Variants in GLS observed in about 807,000 individuals in gnomAD.
The protein encoded by GLS is glutaminase kidney isoform, mitochondrial.
Under a neutral mutation model 86.7 loss-of-function variants are expected in GLS, and 36 were observed. That is an observed-to-expected ratio of 0.42 (90% CI 0.32 to 0.55). The LOEUF (loss-of-function observed/expected upper bound fraction) is 0.55, where lower values mean the gene tolerates loss of function less well. Among genes scored for constraint, GLS ranks in the 20% least tolerant of loss-of-function variants. GLS has a pLI of 0.17. For synonymous variants in GLS, 317 were observed against 305.9 expected (o/e 1.04, Z -0.38); for missense variants, 528 against 833.4 (o/e 0.63, Z 4.51).
intron 1 of GLS, among the ~76,000 whole-genome samples, chr2:190,885,446 A>T (rs1372227203): frequency 1.3e-5 from 2 of 152,084 alleles, no homozygotes; most frequent in African/African-American, 2.4e-5. Flanking sequence ...CGCTGTGGCC[A>T]CCCAAAGTGC....
chr2:190,945,997 T>C (rs979374303), intron 14 of GLS, among the ~76,000 whole-genome samples: 1 of 152,228 alleles, frequency 6.6e-6, no homozygotes, highest in African/African-American at 2.4e-5. Context: ...ATATATAGTA[T>C]ATTAATAACT....
In GLS at chr2:190,902,486, A is replaced by G. The variant is rs144361016; in HGVS notation, c.815+460A>G. On this transcript the variant is annotated intron_variant, in intron 5 of 17. Coordinates refer to ENST00000320717, the MANE Select transcript of GLS (RefSeq NM_014905.5). ...ATCCCAAAGTTAAAAGTCAGTTGCA[A>G]AACATGTAGGATTTCATGAAGTCCA... is the stretch of plus-strand genomic sequence containing the variant. Among the ~76,000 whole-genome samples, 13 of 152,336 alleles carry G rather than the reference A, an allele frequency of 8.5e-5. No homozygotes were observed. The East Asian group carries it at 2.5e-3, about 29-fold the overall frequency.
rs1038999910 is a variant in GLS, at chr2:190,961,662, G to T, written c.1854-1168G>T. Among the ~76,000 whole-genome samples the T allele has an allele frequency of 2.7e-5, 4 of 147,970 alleles. No individual in the cohort carries two copies. The Admixed American group carries it at 2.7e-4, about 10-fold the overall frequency. On this transcript the variant is annotated intron_variant, in intron 17 of 17. Coordinates refer to ENST00000320717, the MANE Select transcript of GLS (RefSeq NM_014905.5). ...CCACTGACTTCCTAAACTAATGAAGGCCTATTCAAAGTCACTTAATTCAGC... is the reference window on the plus strand; with the variant it reads ...CCACTGACTTCCTAAACTAATGAAGTCCTATTCAAAGTCACTTAATTCAGC...
At position 190,934,691 on chromosome 2, in the gene GLS, A is replaced by G. The variant is rs995152042; in HGVS notation, c.1650+3054A>G. The G allele has an allele frequency of 9.3e-6, 9 of 970,330 alleles. No homozygotes were observed. The African/African-American group carries it at 1.4e-4, about 15-fold the overall frequency. The allele number at this position is 970,330 out of a possible 1,614,324, so 60.1% of individuals were successfully genotyped here. ...TATTAAATGAAGATTTAGTTTTCAT[A>G]TCGTATACATAGCTGTATAGATTTC... On this transcript the variant is annotated intron_variant, in intron 14 of 17. Coordinates refer to ENST00000320717, the MANE Select transcript of GLS (RefSeq NM_014905.5).
intron 7 of GLS, among the ~76,000 whole-genome samples, chr2:190,918,613 G>C (rs1046725308): frequency 1.3e-5 from 2 of 151,956 alleles, no homozygotes; most frequent in Admixed American, 1.3e-4. Context: ...TTTCCTTCAA[G>C]AACTTCAAGA....
chr2:190,904,533 C>T (rs996473296), intron 5 of GLS, among the ~76,000 whole-genome samples: 2 of 152,122 alleles, frequency 1.3e-5, no homozygotes, highest in Non-Finnish European at 2.9e-5. Flanking sequence ...ATGGGGTCTG[C>T]ACCCATGGAT....
At chr2:190,934,884 C>A (rs531998533) in intron 14 of GLS, 1 of 978,134 alleles carries the variant, frequency 1.0e-6, no homozygotes, top group Non-Finnish European at 1.2e-6. Context: ...TAAGATACTG[C>A]GAATAGGCCC....
intron 14 of GLS, chr2:190,933,235 T>A: frequency 1.1e-6 from 1 of 877,814 alleles, no homozygotes; most frequent in Non-Finnish European, 1.4e-6. Context: ...ATAAGTTTTG[T>A]TGCATTTTGT....
Position 190,953,267 on chromosome 2 carries a change from G to A in GLS, c.1651-298G>A, listed in dbSNP as rs1342313968. Among the ~76,000 whole-genome samples the A allele has an allele frequency of 1.3e-5, 2 of 152,194 alleles. No individual in the cohort carries two copies. The highest frequency in any genetic ancestry group is 3.8e-4 in the East Asian group (2 of 5,206). On this transcript the variant is annotated intron_variant, in intron 14 of 17. Transcript: ENST00000320717. The surrounding 1 kb of genome is among the most constrained non-coding windows in gnomAD (Gnocchi z 4.0). ...TGGGAAGGCTTCTAAACAATTTTCA[G>A]TTGCCCCAACTGTATGAGTTTCACA... is the stretch of plus-strand genomic sequence containing the variant.
chr2:190,898,869 CTGCCTG>C lies in GLS; in HGVS notation c.606-1694_606-1689del, dbSNP rs1574570583. Among the ~76,000 whole-genome samples, 5 of 152,304 alleles carry C rather than the reference CTGCCTG, an allele frequency of 3.3e-5. 1 individual carries two copies. The highest frequency in any genetic ancestry group is 3.3e-4 in the Admixed American group (5 of 15,300). On this transcript the variant is annotated intron_variant, in intron 3 of 17. Coordinates refer to ENST00000320717, the MANE Select transcript of GLS (RefSeq NM_014905.5). ...TCTCGAACTCCTGACCTCAGGTGAT[CTGCCTG>C]CCTCAGCCTCCCAAAGTGCTGGGAT... is the stretch of plus-strand genomic sequence containing the variant.
intron 14 of GLS, among the ~76,000 whole-genome samples, chr2:190,942,596 G>A (rs1276840471): frequency 6.6e-6 from 1 of 152,126 alleles, no homozygotes; most frequent in Non-Finnish European, 1.5e-5. Context: ...AAAGGAATGC[G>A]ATATCAAGCT....
At chr2:190,944,925 T>A (rs758097430) in intron 14 of GLS, among the ~76,000 whole-genome samples, 1 of 152,250 alleles carries the variant, frequency 6.6e-6, no homozygotes, top group Non-Finnish European at 1.5e-5. Flanking sequence ...GGGTAGCACC[T>A]CAATATAAAA....
chr2:190,934,862 C>G, intron 14 of GLS: 1 of 978,828 alleles, frequency 1.0e-6, no homozygotes, highest in Non-Finnish European at 1.2e-6. Context: ...AAAGTATAAA[C>G]GGAAGAAGAG....
chr2:190,896,777 G>T (rs1688757170), intron 3 of GLS, among the ~76,000 whole-genome samples: 1 of 152,102 alleles, frequency 6.6e-6, no homozygotes, highest in South Asian at 2.1e-4. Flanking sequence ...GTTGCAGTTG[G>T]TATTAGGAAT....
chr2:190,918,475 C>A (rs578129241), intron 7 of GLS, among the ~76,000 whole-genome samples: 4 of 152,204 alleles, frequency 2.6e-5, no homozygotes, highest in Non-Finnish European at 4.4e-5. Context: ...TGAATTAGGC[C>A]TTGGCCTAAG....
At chr2:190,889,861 C>T (rs552536220) in intron 1 of GLS, among the ~76,000 whole-genome samples, 1 of 152,316 alleles carries the variant, frequency 6.6e-6, no homozygotes, top group African/African-American at 2.4e-5. Flanking sequence ...CCAGTCAAAA[C>T]AGCAGCACTA....
rs1257626951 is a variant in GLS, at chr2:190,895,770, A to G, written c.605+45A>G. The G allele has an allele frequency of 6.7e-7, 1 of 1,483,918 alleles. No homozygotes were observed. The allele number at this position is 1,483,918 out of a possible 1,614,324, so 91.9% of individuals were successfully genotyped here. ...CTTTAATGGTGATTTGCTATGCTAT[A>G]CGGTGATTCTGCTTTTAAAACAAAA... is the stretch of plus-strand genomic sequence containing the variant. On this transcript the variant is annotated intron_variant, in intron 3 of 17. Coordinates refer to ENST00000320717, the MANE Select transcript of GLS (RefSeq NM_014905.5). This position sits in a 1 kb window ranked among gnomAD's most constrained non-coding sequence, Gnocchi z 4.2.
Position 190,914,449 on chromosome 2 carries a change from AAGGT to A in GLS, c.1038+4131_1038+4134del, listed in dbSNP as rs1689459147. Among the ~76,000 whole-genome samples, 1 of 151,764 alleles carries A rather than the reference AAGGT, an allele frequency of 6.6e-6. No individual in the cohort carries two copies. The highest frequency in any genetic ancestry group is 2.4e-5 in the African/African-American group (1 of 41,430). On this transcript the variant is annotated intron_variant, in intron 7 of 17. Coordinates refer to ENST00000320717, the MANE Select transcript of GLS (RefSeq NM_014905.5). This position sits in a 1 kb window ranked among gnomAD's most constrained non-coding sequence, Gnocchi z 4.4. Reference sequence around the variant, plus strand: ...TGCTTTAGTTTTTTTTTTTTAATGAAAGGTAGAGCATTTATTGTCAACTGAAAAT... The same window carrying A: ...TGCTTTAGTTTTTTTTTTTTAATGAAAGAGCATTTATTGTCAACTGAAAAT...
At chr2:190,942,376 G>T (rs931514359) in intron 14 of GLS, among the ~76,000 whole-genome samples, 5 of 151,952 alleles carry the variant, frequency 3.3e-5, no homozygotes, top group Non-Finnish European at 5.9e-5. Flanking sequence ...CACCACACCC[G>T]GCTGAAACTT....
Sources: gnomAD v4.1 joint callset for allele counts (sites outside exome capture counted in the v4.1 genomes callset) on GRCh38, gnomAD v4.1.1 for gene constraint, Gnocchi (gnomAD v3.1) non-coding constraint, MANE v1.5 for transcripts, NCBI Gene and HGNC (gene_info 2026-07-23, HGNC 2026-07-21) for gene names.